GRID2: variants seen among roughly 807,000 people sequenced by gnomAD.
GRID2 encodes the protein glutamate ionotropic receptor delta type subunit 2.
GRID2 carries 33 observed loss-of-function variants against 114.8 expected under a neutral mutation model. The observed-to-expected ratio is 0.29, with a 90% confidence interval of 0.22 to 0.38. The LOEUF (loss-of-function observed/expected upper bound fraction) is 0.38, where lower values mean the gene tolerates loss of function less well. Ranked by LOEUF, GRID2 falls within the 10% of genes least tolerant of loss-of-function variation. The pLI is 1.00. For synonymous variants in GRID2, 505 were observed against 449.9 expected (o/e 1.12, Z -1.55); for missense variants, 1,184 against 1,257.7 (o/e 0.94, Z 0.89).
intron 8 of GRID2, among the ~76,000 whole-genome samples, chr4:93,325,636 T>C (rs1055770593): frequency 2.6e-5 from 4 of 152,086 alleles, no homozygotes; most frequent in Non-Finnish European, 5.9e-5. Context: ...CTCCCTCTTA[T>C]TCAGTTTCAA....
intron 8 of GRID2, among the ~76,000 whole-genome samples, chr4:93,280,085 CTA>C (rs1413093075): frequency 6.6e-6 from 1 of 151,818 alleles, no homozygotes; most frequent in East Asian, 1.9e-4. Flanking sequence ...AGGTTTAAGA[CTA>C]TGGAAGCCAG....
At chr4:92,594,017 A>G (rs1382019872) in intron 2 of GRID2, among the ~76,000 whole-genome samples, 1 of 151,676 alleles carries the variant, frequency 6.6e-6, no homozygotes, top group African/African-American at 2.4e-5. Flanking sequence ...TATTTTCACA[A>G]TTTAGATGAA....
chr4:93,610,935 A>C lies in GRID2; in HGVS notation c.2194-15334A>C, dbSNP rs1222662804. Among the ~76,000 whole-genome samples the C allele has an allele frequency of 2.2e-5, 3 of 139,344 alleles. 1 individual carries two copies. Among genetic ancestry groups the C allele is most frequent in the African/African-American group, 8.8e-5 (3 of 34,060 alleles). The allele number at this position is 139,344 out of a possible 152,430, so 91.4% of individuals were successfully genotyped here. ...TCCGGTAGAATTTGGCTGTGAATCC[A>C]TCTGGTCCTGGACTCTTTTAGGTTG... On this transcript the variant is annotated intron_variant, in intron 13 of 15. Coordinates refer to ENST00000282020, the MANE Select transcript of GRID2 (RefSeq NM_001510.4).
At chr4:93,341,566 A>G (rs1443301722) in intron 8 of GRID2, among the ~76,000 whole-genome samples, 1 of 152,234 alleles carries the variant, frequency 6.6e-6, no homozygotes, top group South Asian at 2.1e-4. Context: ...CAAGTGATCC[A>G]CCCATTCTCA....
intron 1 of GRID2, among the ~76,000 whole-genome samples, chr4:92,395,395 A>T (rs1177059629): frequency 6.6e-6 from 1 of 151,690 alleles, no homozygotes; most frequent in African/African-American, 2.4e-5. Flanking sequence ...CAGCCTTTTA[A>T]AAAAGGTTTT....
chr4:92,506,184 T>C (rs954320697), intron 1 of GRID2, among the ~76,000 whole-genome samples: 3 of 151,938 alleles, frequency 2.0e-5, no homozygotes, highest in African/African-American at 7.2e-5. Flanking sequence ...ATACAAAATA[T>C]AGCATGCAGT....
At chr4:92,471,352 C>A (rs1028589279) in intron 1 of GRID2, among the ~76,000 whole-genome samples, 1 of 152,090 alleles carries the variant, frequency 6.6e-6, no homozygotes, top group South Asian at 2.1e-4. Context: ...GACCAGTGAC[C>A]TTGTACAACC....
At chr4:92,685,169 C>A (rs1733839813) in intron 2 of GRID2, among the ~76,000 whole-genome samples, 1 of 151,884 alleles carries the variant, frequency 6.6e-6, no homozygotes, top group South Asian at 2.1e-4. Context: ...AATATTTTAT[C>A]ATTATAGAAA....
intron 2 of GRID2, among the ~76,000 whole-genome samples, chr4:92,899,294 CT>C (rs1465191096): frequency 6.6e-6 from 1 of 151,670 alleles, no homozygotes; most frequent in Non-Finnish European, 1.5e-5. Flanking sequence ...TTGCATATTT[CT>C]TTTTCAGTTT....
intron 1 of GRID2, among the ~76,000 whole-genome samples, chr4:92,495,232 G>A (rs1295801079): frequency 1.3e-5 from 2 of 151,896 alleles, no homozygotes; most frequent in Non-Finnish European, 1.5e-5. Flanking sequence ...AGCTCCCTGT[G>A]TTCATATAAC....
chr4:92,362,511 A>G (rs1728665981), intron 1 of GRID2, among the ~76,000 whole-genome samples: 1 of 151,994 alleles, frequency 6.6e-6, no homozygotes, highest in Non-Finnish European at 1.5e-5. Flanking sequence ...TTAAATCCAC[A>G]GATTCTCATA....
rs1285681325 is a variant in GRID2 at position 92,868,094 on chromosome 4, TTCTTTC to T, written c.245-216893_245-216888del. ...TGTCTGTCTGTCTGTCTGTCTTTCT[TTCTTTC>T]TCTTTCTTTCTTTTTTTAATGTGCA... On this transcript the variant is annotated intron_variant, in intron 2 of 15. Transcript: ENST00000282020. 4.0e-5 allele frequency among the ~76,000 whole-genome samples: 6 copies of T among 151,190 alleles called. No homozygotes were observed. In the South Asian group the frequency reaches 8.4e-4, roughly 21 times the overall value.
At chr4:93,375,621 T>C (rs914473363) in intron 8 of GRID2, among the ~76,000 whole-genome samples, 6 of 152,164 alleles carry the variant, frequency 3.9e-5, no homozygotes, top group Non-Finnish European at 7.4e-5. Flanking sequence ...TATTTCACCA[T>C]CACACTTGTT....
chr4:93,678,535 C>G (rs6532428), intron 14 of GRID2, among the ~76,000 whole-genome samples: 87,820 of 151,334 alleles, frequency 0.58, 27,391 homozygotes, highest in African/African-American at 0.83. Flanking sequence ...GAGAAAGGTC[C>G]GGTTACCCAC....
At chr4:92,597,425 A>T (rs902864743) in intron 2 of GRID2, among the ~76,000 whole-genome samples, 1 of 152,164 alleles carries the variant, frequency 6.6e-6, no homozygotes, top group Non-Finnish European at 1.5e-5. Flanking sequence ...AGACCTCTAC[A>T]TCATAATTTT....
intron 2 of GRID2, among the ~76,000 whole-genome samples, chr4:92,729,111 G>A (rs1736206796): frequency 6.6e-6 from 1 of 151,972 alleles, no homozygotes; most frequent in Non-Finnish European, 1.5e-5. Context: ...TTCACCTAGA[G>A]TTATTCAAAT....
chr4:92,313,836 T>G (rs1259079833), intron 1 of GRID2, among the ~76,000 whole-genome samples: 1 of 152,088 alleles, frequency 6.6e-6, no homozygotes, highest in Non-Finnish European at 1.5e-5. Context: ...AAATACTGAT[T>G]GTAGAGAACC....
chr4:93,413,965 A>G (rs1346575614), intron 9 of GRID2, among the ~76,000 whole-genome samples: 1 of 152,192 alleles, frequency 6.6e-6, no homozygotes, highest in East Asian at 1.9e-4. Flanking sequence ...TTCATCTAAT[A>G]GAATTATTAT....
intron 2 of GRID2, among the ~76,000 whole-genome samples, chr4:92,867,177 A>G (rs539520366): frequency 1.3e-5 from 2 of 152,274 alleles, no homozygotes; most frequent in Non-Finnish European, 1.5e-5. Flanking sequence ...ATTTTTTATT[A>G]ATAACATATT....
Sources: gnomAD v4.1 joint callset for allele counts (sites outside exome capture counted in the v4.1 genomes callset) on GRCh38, gnomAD v4.1.1 for gene constraint, MANE v1.5 for transcripts, NCBI Gene and HGNC (gene_info 2026-07-23, HGNC 2026-07-21) for gene names.